Variants in SLIT2 observed in about 807,000 individuals in gnomAD.
The protein encoded by SLIT2 is slit homolog 2 protein.
In SLIT2, 41 loss-of-function variants were observed where a neutral mutation model predicts 185.7. That is an observed-to-expected ratio of 0.22 (90% CI 0.17 to 0.29). The LOEUF (loss-of-function observed/expected upper bound fraction) is 0.29, where lower values mean the gene tolerates loss of function less well. Among genes scored for constraint, SLIT2 ranks in the 10% least tolerant of loss-of-function variants. The pLI, the probability that SLIT2 is intolerant of heterozygous loss-of-function variation, is 1.00. For synonymous variants in SLIT2, 693 were observed against 680.2 expected, an observed-to-expected ratio of 1.02 and a Z score of -0.29; for missense variants, 1,571 against 1,909.0, an observed-to-expected ratio of 0.82 and a Z score of 3.30.
chr4:20,302,484 C>T (rs2109110014), intron 4 of SLIT2, among the ~76,000 whole-genome samples: 1 of 152,152 alleles, frequency 6.6e-6, no homozygotes, highest in African/African-American at 2.4e-5. Flanking sequence ...GATGGAAGGA[C>T]ACATCTAGAA....
At chr4:20,525,307 C>T in intron 15 of SLIT2, 135 bp downstream of exon 15, 1 of 623,522 alleles carries the variant, frequency 1.6e-6, no homozygotes, top group South Asian at 2.4e-5. Flanking sequence ...ATGCATATAT[C>T]ACTTGTAGCT....
chr4:20,349,794 G>A (rs1242906160), intron 4 of SLIT2, among the ~76,000 whole-genome samples: 1 of 152,168 alleles, frequency 6.6e-6, no homozygotes, highest in Non-Finnish European at 1.5e-5. Flanking sequence ...ATCTGGGCTG[G>A]TGAGGCATCT....
intron 32 of SLIT2, among the ~76,000 whole-genome samples, chr4:20,597,555 ATTTGT>A (rs1297646456): frequency 2.2e-4 from 33 of 152,348 alleles, no homozygotes; most frequent in African/African-American, 7.2e-4. Context: ...ATGTCTACAT[ATTTGT>A]TTTATCTGAT....
intron 4 of SLIT2, among the ~76,000 whole-genome samples, chr4:20,324,876 G>A (rs188145100): frequency 2.6e-4 from 40 of 152,216 alleles, no homozygotes; most frequent in Non-Finnish European, 1.2e-4. Context: ...TCAGATTGGT[G>A]CAAAAGTGCC....
intron 4 of SLIT2, among the ~76,000 whole-genome samples, chr4:20,341,059 C>G (rs978024908): frequency 6.6e-6 from 1 of 152,116 alleles, no homozygotes; most frequent in African/African-American, 2.4e-5. Flanking sequence ...GATACAGATG[C>G]CTGGGGATGG....
chr4:20,519,826 A>T (rs910997198), intron 12 of SLIT2, among the ~76,000 whole-genome samples: 1 of 151,760 alleles, frequency 6.6e-6, no homozygotes, highest in African/African-American at 2.4e-5. Flanking sequence ...AGGTCAGGAG[A>T]TCCAGACCAT....
intron 4 of SLIT2, among the ~76,000 whole-genome samples, chr4:20,459,281 G>T (rs935929882): frequency 5.3e-5 from 8 of 152,138 alleles, no homozygotes; most frequent in Non-Finnish European, 1.0e-4. Context: ...TAGAAGAGAT[G>T]CATATAAATC....
At chr4:20,518,557 G>GTGTGTGTGTATATATATATATATA (rs1271279922) in intron 11 of SLIT2, among the ~76,000 whole-genome samples, 4 of 17,862 alleles carry the variant, frequency 2.2e-4, no homozygotes, top group African/African-American at 4.4e-4. Context: ...CAGCCTATAT[G>GTGTGTGTGTATATATATATATATA]TATATATATA....
chr4:20,553,863 G>A lies in SLIT2; in HGVS notation c.2620G>A (p.Val874Met), dbSNP rs1396846716. The A allele has an allele frequency of 6.2e-7, 1 of 1,609,708 alleles. No individual in the cohort carries two copies. Among genetic ancestry groups the A allele is most frequent in the South Asian group, 1.1e-5 (1 of 90,078 alleles). ...DCNMQWLSDWVKSEYKEPGIA... is the reference protein window; with the variant it reads ...DCNMQWLSDWMKSEYKEPGIA... ...TAACATGCAGTGGTTATCCGACTGGGTGAAGTCGGAATATAAGGAGCCTGG... is the reference window on the plus strand; with the variant it reads ...TAACATGCAGTGGTTATCCGACTGGATGAAGTCGGAATATAAGGAGCCTGG... The change falls in exon 26 of 37, where the codon GTG becomes ATG. Residue 874 changes from valine to methionine, a missense_variant. Coordinates refer to ENST00000504154, the MANE Select transcript of SLIT2 (RefSeq NM_004787.4).
intron 32 of SLIT2, among the ~76,000 whole-genome samples, chr4:20,597,068 GTTT>G (rs562211138): frequency 7.4e-6 from 1 of 135,080 alleles, no homozygotes; most frequent in Non-Finnish European, 1.6e-5. Flanking sequence ...TTGTTTTGTT[GTTT>G]TTTTTTTTTT....
intron 11 of SLIT2, among the ~76,000 whole-genome samples, chr4:20,516,152 C>A (rs1360579172): frequency 6.6e-6 from 1 of 152,212 alleles, no homozygotes; most frequent in Non-Finnish European, 1.5e-5. Flanking sequence ...AGCTCAAACA[C>A]TGGTCACCAG....
chr4:20,399,313 C>A (rs764714094), intron 4 of SLIT2, among the ~76,000 whole-genome samples: 2 of 151,454 alleles, frequency 1.3e-5, no homozygotes, highest in South Asian at 2.1e-4. Context: ...GATAATATTA[C>A]AATAAAAGTG....
At chr4:20,472,520 A>C (rs373172311) in intron 5 of SLIT2, among the ~76,000 whole-genome samples, 2 of 24,356 alleles carry the variant, frequency 8.2e-5, no homozygotes, top group African/African-American at 2.6e-4. Context: ...AGATAGATAT[A>C]TATCTATATA....
chr4:20,480,690 A>C (rs753684057), intron 5 of SLIT2, 26 bp from the exon 6 acceptor site: 2 of 1,580,480 alleles, frequency 1.3e-6, no homozygotes, highest in African/African-American at 2.7e-5. Flanking sequence ...TCCCTTCTAC[A>C]TATATTCTTC....
rs1167885135 is a variant in SLIT2, at chr4:20,265,218, A to G, written c.324-3592A>G. ...TCTCTAGCTCTGTTTAGTAATTGTT[A>G]TATACCTTAATAGTCTTTAAAATAA... is the stretch of plus-strand genomic sequence containing the variant. On this transcript the variant is annotated intron_variant, in intron 3 of 36. Transcript: ENST00000504154. Among the ~76,000 whole-genome samples, 17 of 152,132 alleles carry G rather than the reference A, an allele frequency of 1.1e-4. No individual in the cohort carries two copies. The East Asian group carries it at 1.2e-3, about 10-fold the overall frequency.
intron 9 of SLIT2, among the ~76,000 whole-genome samples, chr4:20,508,097 T>A (rs1232235226): frequency 6.6e-6 from 1 of 152,072 alleles, no homozygotes; most frequent in Non-Finnish European, 1.5e-5. Context: ...CCCTTTCTTA[T>A]GACCTAGATA....
rs564679804 is a variant in SLIT2, at chr4:20,299,611, A to G, written c.395+30730A>G. 1.3e-4 allele frequency among the ~76,000 whole-genome samples: 20 copies of G among 150,608 alleles called. No individual in the cohort carries two copies. The South Asian group carries it at 1.5e-3, about 11-fold the overall frequency. On this transcript the variant is annotated intron_variant, in intron 4 of 36. Coordinates refer to ENST00000504154, the MANE Select transcript of SLIT2 (RefSeq NM_004787.4). ...TTTTAAATGCAGCATTGGCAGTGTT[A>G]CAGGTCTTTAATTTTGTTGGCATTG...
chr4:20,554,770 T>TG (rs1450288577), intron 26 of SLIT2, among the ~76,000 whole-genome samples: 3 of 151,934 alleles, frequency 2.0e-5, no homozygotes, highest in African/African-American at 7.3e-5. Flanking sequence ...TTTGTTTTTT[T>TG]TTTGTTTGTT....
chr4:20,301,811 A>G (rs542909990), intron 4 of SLIT2, among the ~76,000 whole-genome samples: 203 of 152,342 alleles, frequency 1.3e-3, no homozygotes, highest in Non-Finnish European at 2.4e-3. Flanking sequence ...ATTTATAATT[A>G]GAAATGATGA....
Sources: gnomAD v4.1 joint callset for allele counts (sites outside exome capture counted in the v4.1 genomes callset) on GRCh38, gnomAD v4.1.1 for gene constraint, MANE v1.5 for transcripts, NCBI Gene and HGNC (gene_info 2026-07-23, HGNC 2026-07-21) for gene names.